The following BICDL1 variants were observed in gnomAD, a reference collection of about 807,000 sequenced individuals.
BICDL1 encodes the protein BICD family like cargo adaptor 1.
In BICDL1, 20 loss-of-function variants were observed where a neutral mutation model predicts 76.8. The observed-to-expected ratio is 0.26, with a 90% CI of 0.18 to 0.38. BICDL1 has a LOEUF of 0.38. Ranked by LOEUF, BICDL1 falls within the 10% of genes least tolerant of loss-of-function variation. The pLI is 1.00. For missense variants in BICDL1, 700 were observed against 798.6 expected, an observed-to-expected ratio of 0.88 and a Z score of 1.49; for synonymous variants, 383 against 337.1, an observed-to-expected ratio of 1.14 and a Z score of -1.49.
Position 120,074,382 on chromosome 12 carries a change from C to A in BICDL1, c.1309-61C>A, listed in dbSNP as rs183900081. ...CTCCCCGACTAACCATCTCTCTCCC[C>A]CTTCCCTATCTCTCCTGTACCCTTA... On this transcript the variant is annotated intron_variant, in intron 6 of 9. Transcript: ENST00000548673. 3.3e-5 allele frequency: 33 copies of A among 1,013,462 alleles called. No homozygotes were observed. In the Admixed American group the frequency reaches 9.0e-4, roughly 28 times the overall value. The allele number at this position is 1,013,462 out of a possible 1,614,324, so 62.8% of individuals were successfully genotyped here.
intron 2 of BICDL1, among the ~76,000 whole-genome samples, chr12:120,023,757 T>G (rs1952231530): frequency 6.8e-6 from 1 of 147,412 alleles, no homozygotes; most frequent in South Asian, 2.1e-4. Flanking sequence ...ACCACTGCAC[T>G]CCAGCCTGGG....
In BICDL1 at chr12:120,073,951, G is replaced by A. The variant is rs537781748; in HGVS notation, c.1309-492G>A. ...TTTTGTTTTTTTGAGACGGAGTCTC[G>A]CTCTGTTGCCCAGGCTGGAGTGCTG... is the stretch of plus-strand genomic sequence containing the variant. On this transcript the variant is annotated intron_variant, in intron 6 of 9. Transcript: ENST00000548673. Among the ~76,000 whole-genome samples, 27 of 152,178 alleles carry A rather than the reference G, an allele frequency of 1.8e-4. No individual in the cohort carries two copies. The South Asian group carries it at 4.1e-3, about 23-fold the overall frequency.
Position 120,014,640 on chromosome 12 carries a change from C to T in BICDL1, c.645+15904C>T, listed in dbSNP as rs181963840. Reference sequence around the variant, plus strand: ...CCAGGAGGCAGAGGTTGCAGTGAGCCGAGATCACGGCACTGCACTACAGCC... The same window carrying T: ...CCAGGAGGCAGAGGTTGCAGTGAGCTGAGATCACGGCACTGCACTACAGCC... On this transcript the variant is annotated intron_variant, in intron 2 of 9. Coordinates refer to ENST00000548673, the MANE Select transcript of BICDL1 (RefSeq NM_001367886.1). Among the ~76,000 whole-genome samples the T allele has an allele frequency of 1.4e-3, 209 of 151,032 alleles. 2 individuals carry two copies. The South Asian group carries it at 0.031, about 22-fold the overall frequency.
intron 2 of BICDL1, among the ~76,000 whole-genome samples, chr12:120,006,542 T>C (rs1010492286): frequency 2.0e-5 from 3 of 151,866 alleles, no homozygotes; most frequent in Admixed American, 2.0e-4. Flanking sequence ...TAAAACCAGG[T>C]AAGGAGGAGA....
chr12:120,069,356 G>A (rs569315638), intron 4 of BICDL1, among the ~76,000 whole-genome samples: 83 of 152,280 alleles, frequency 5.5e-4, no homozygotes, highest in Middle Eastern at 3.4e-3. Flanking sequence ...ATTTCTGCCC[G>A]TGAGAGTTAG....
intron 2 of BICDL1, among the ~76,000 whole-genome samples, chr12:120,031,106 C>T (rs1441437598): frequency 6.6e-6 from 1 of 151,970 alleles, no homozygotes; most frequent in African/African-American, 2.4e-5. Context: ...ATTAAAAAAT[C>T]TTTCAAGCAT....
At chr12:120,030,279 G>A (rs1952395646) in intron 2 of BICDL1, among the ~76,000 whole-genome samples, 1 of 152,160 alleles carries the variant, frequency 6.6e-6, no homozygotes, top group South Asian at 2.1e-4. Context: ...ATAACAAGTG[G>A]ATTGATCTGG....
intron 2 of BICDL1, among the ~76,000 whole-genome samples, chr12:120,014,116 T>C (rs983613007): frequency 2.6e-5 from 4 of 152,226 alleles, no homozygotes; most frequent in African/African-American, 4.8e-5. Flanking sequence ...TAAAAATCTT[T>C]GCAAAGTAAT....
chr12:120,049,890 T>G (rs1413856503), intron 2 of BICDL1, among the ~76,000 whole-genome samples: 1 of 152,224 alleles, frequency 6.6e-6, no homozygotes, highest in Non-Finnish European at 1.5e-5. Flanking sequence ...AGCTTTTTAT[T>G]CCTCCAAAGT....
At chr12:120,001,552 C>T (rs550309252) in intron 2 of BICDL1, among the ~76,000 whole-genome samples, 4 of 152,224 alleles carry the variant, frequency 2.6e-5, no homozygotes, top group African/African-American at 4.8e-5. Context: ...GGCCAAAGGC[C>T]GTACTTTTCT....
In BICDL1 at chr12:120,061,840, C is replaced by T. The variant is rs373442831; in HGVS notation, c.762+14C>T. On this transcript the variant is annotated intron_variant, in intron 3 of 9. Transcript: ENST00000548673. The stretch of plus-strand genomic sequence containing the variant: ...CTTCAGGCCGAGGTGAGCCTCCCGA[C>T]ACAGCAGTGCTGGAAGGTGGAGTGC... 13 of 1,581,144 alleles carry T rather than the reference C, an allele frequency of 8.2e-6. No homozygotes were observed. In the Middle Eastern group the frequency reaches 8.4e-4, roughly 102 times the overall value.
chr12:119,990,221 A>G lies in BICDL1; in HGVS notation c.353A>G (p.Lys118Arg). 3 of 1,573,028 alleles carry G rather than the reference A, an allele frequency of 1.9e-6. No individual in the cohort carries two copies. Among genetic ancestry groups the G allele is most frequent in the Non-Finnish European group, 2.6e-6 (3 of 1,160,034 alleles). ...KDLVLAARLG[K>R]ALLERNQDMS... ...CTGGTGTTGGCGGCCCGGCTGGGTA[A>G]GGCGCTGCTCGAGAGGAACCAGGAC... Residue 118 changes from lysine to arginine, a missense_variant, in exon 1 of 10, where the codon AAG becomes AGG. Lys to Arg is a conservative substitution (Grantham distance 26). This residue lies in a region of BICDL1 where 225 missense variants were observed against 199.6 expected (regional missense o/e 1.13). Transcript: ENST00000548673.
intron 1 of BICDL1, among the ~76,000 whole-genome samples, chr12:119,991,279 C>G (rs773878737): frequency 4.5e-4 from 69 of 152,330 alleles, no homozygotes; most frequent in Admixed American, 1.0e-3. Flanking sequence ...GACAATAGTA[C>G]AGACCTGAAT....
intron 2 of BICDL1, chr12:120,057,138 G>A: frequency 1.9e-6 from 1 of 518,572 alleles, no homozygotes; most frequent in Admixed American, 2.0e-5. Context: ...ATGGATGACA[G>A]GTTCCCAATT....
At chr12:120,029,335 C>G (rs931504503) in intron 2 of BICDL1, among the ~76,000 whole-genome samples, 1 of 152,140 alleles carries the variant, frequency 6.6e-6, no homozygotes, top group African/African-American at 2.4e-5. Context: ...GACAAAGACC[C>G]TTCAGCTTCA....
At chr12:119,993,836 G>T (rs1488370249) in intron 1 of BICDL1, among the ~76,000 whole-genome samples, 1 of 152,050 alleles carries the variant, frequency 6.6e-6, no homozygotes, top group Non-Finnish European at 1.5e-5. Context: ...GGCTGGTCTT[G>T]AACTCCTGAC....
intron 2 of BICDL1, among the ~76,000 whole-genome samples, chr12:120,029,035 AGGT>A (rs1318926491): frequency 6.6e-6 from 1 of 152,160 alleles, no homozygotes; most frequent in Non-Finnish European, 1.5e-5. Flanking sequence ...ATGATCATTG[AGGT>A]GGTGGTGATC....
Position 120,089,841 on chromosome 12 carries a change from T to G in BICDL1, c.1584-110T>G. 7.5e-6 allele frequency: 10 copies of G among 1,333,256 alleles called. No homozygotes were observed. In the South Asian group the frequency reaches 1.3e-4, roughly 17 times the overall value. The allele number at this position is 1,333,256 out of a possible 1,614,324, so 82.6% of individuals were successfully genotyped here. A position where few individuals can be genotyped will look rare whatever the true frequency, so the allele number is the denominator to read the frequency against. On this transcript the variant is annotated intron_variant, in intron 8 of 9. Coordinates refer to ENST00000548673, the MANE Select transcript of BICDL1 (RefSeq NM_001367886.1). ...TGTTGCAGCTGCTATTTGTTGTGAG[T>G]TCAGGGTCAGAGCCTGTTTCCTCAT...
At position 120,090,057 on chromosome 12, in the gene BICDL1, C is replaced by T. The variant is rs76028759; in HGVS notation, c.1690C>T (p.Leu564=). 3,846 of 1,613,996 alleles carry T rather than the reference C, an allele frequency of 2.4e-3. 76 individuals are homozygous for T. The African/African-American group carries it at 0.042, about 18-fold the overall frequency. Residue 564 remains leucine, a synonymous_variant, in exon 9 of 10, where the codon CTG becomes TTG. Coordinates refer to ENST00000548673, the MANE Select transcript of BICDL1 (RefSeq NM_001367886.1). Reference sequence around the variant, plus strand: ...GCAGAAACTGAACCTCTCGCAGCAGCTGGAAGCTTGGCAGGTAAACTGGAG... The same window carrying T: ...GCAGAAACTGAACCTCTCGCAGCAGTTGGAAGCTTGGCAGGTAAACTGGAG... The part of the protein sequence containing the change: ...IQQKLNLSQQ[L]EAWQDDMHRV...
Sources: gnomAD v4.1 joint callset for allele counts (sites outside exome capture counted in the v4.1 genomes callset) on GRCh38, gnomAD v4.1.1 for gene constraint, gnomAD v4.1.1 regional missense constraint, MANE v1.5 for transcripts, NCBI Gene and HGNC (gene_info 2026-07-23, HGNC 2026-07-21) for gene names.